LDLRAD4: variants seen among roughly 807,000 people sequenced by gnomAD.
LDLRAD4 encodes the protein low-density lipoprotein receptor class A domain-containing protein 4.
Under a neutral mutation model 17.0 loss-of-function variants are expected in LDLRAD4, and 5 were observed. That is an observed-to-expected ratio of 0.29 (90% CI 0.15 to 0.62). The LOEUF (loss-of-function observed/expected upper bound fraction) is 0.62, where lower values mean the gene tolerates loss of function less well. Ranked by LOEUF, LDLRAD4 falls within the 20% of genes least tolerant of loss-of-function variation. LDLRAD4 has a pLI of 0.84. For synonymous variants in LDLRAD4, 168 were observed against 171.8 expected (o/e 0.98, Z 0.17); for missense variants, 340 against 424.7 (o/e 0.80, Z 1.75).
At chr18:13,420,369 G>C (rs776333658) in intron 2 of LDLRAD4, 1 of 152,174 alleles carries the variant, frequency 6.6e-6, no homozygotes, top group Non-Finnish European at 1.5e-5. Context: ...AAGCAACAAG[G>C]GTGAGATTAT....
At chr18:13,492,284 T>A (rs2147122693) in intron 3 of LDLRAD4, among the ~76,000 whole-genome samples, 1 of 152,344 alleles carries the variant, frequency 6.6e-6, no homozygotes, top group Non-Finnish European at 1.5e-5. Flanking sequence ...CCTGGATTTC[T>A]CCCCTATTCC....
intron 1 of LDLRAD4, among the ~76,000 whole-genome samples, chr18:13,258,503 G>A (rs2043627673): frequency 6.6e-6 from 1 of 151,670 alleles, no homozygotes; most frequent in South Asian, 2.1e-4. Context: ...TTTTATTTTT[G>A]CTTTTATGAT....
At chr18:13,352,878 T>C (rs2083127395) in intron 1 of LDLRAD4, among the ~76,000 whole-genome samples, 1 of 152,212 alleles carries the variant, frequency 6.6e-6, no homozygotes, top group South Asian at 2.1e-4. Context: ...GCTCCTGTAA[T>C]ATATTTTTGA....
chr18:13,456,031 C>G (rs1000791579), intron 3 of LDLRAD4, among the ~76,000 whole-genome samples: 3 of 152,130 alleles, frequency 2.0e-5, no homozygotes, highest in Admixed American at 6.5e-5. Context: ...GAAACGTGTC[C>G]TTGCTTGGCT....
At chr18:13,501,160 C>G (rs1399280033) in intron 3 of LDLRAD4, 1 of 152,168 alleles carries the variant, frequency 6.6e-6, no homozygotes, top group Non-Finnish European at 1.5e-5. Context: ...ACTTTCTTCC[C>G]CCTGCACCTG....
At chr18:13,265,542 C>T (rs1300996725) in intron 1 of LDLRAD4, among the ~76,000 whole-genome samples, 1 of 152,216 alleles carries the variant, frequency 6.6e-6, no homozygotes, top group Non-Finnish European at 1.5e-5. Flanking sequence ...GGATGAATAG[C>T]TCCATGCACC....
chr18:13,494,987 C>T (rs931101393), intron 3 of LDLRAD4, among the ~76,000 whole-genome samples: 12 of 151,916 alleles, frequency 7.9e-5, no homozygotes, highest in African/African-American at 2.9e-4. Flanking sequence ...CTGAGACCCG[C>T]CTCCCAGCTT....
rs537347077 is a variant in LDLRAD4, at chr18:13,550,254, A to T, written c.182-70863A>T. 3.3e-5 allele frequency among the ~76,000 whole-genome samples: 5 copies of T among 152,316 alleles called. No individual in the cohort carries two copies. The South Asian group carries it at 1.0e-3, about 32-fold the overall frequency. On this transcript the variant is annotated intron_variant, in intron 3 of 5. Transcript: ENST00000359446. ...AGGGGCAGCTTCATGAGGAATATAA[A>T]AACACAGAGCCCTGAGCTGACAGAC... is the stretch of plus-strand genomic sequence containing the variant.
intron 2 of LDLRAD4, among the ~76,000 whole-genome samples, chr18:13,388,127 G>A (rs1243541461): frequency 6.6e-6 from 1 of 152,182 alleles, no homozygotes; most frequent in Non-Finnish European, 1.5e-5. Flanking sequence ...AAGATTCTCC[G>A]AGGGAAAAGA....
At chr18:13,336,763 T>A (rs769742664) in intron 1 of LDLRAD4, among the ~76,000 whole-genome samples, 6 of 152,106 alleles carry the variant, frequency 3.9e-5, no homozygotes, top group African/African-American at 7.2e-5. Context: ...ATATTTGTGC[T>A]CTGTGGTGCA....
At chr18:13,460,880 A>G (rs2092392864) in intron 3 of LDLRAD4, 2 of 152,234 alleles carry the variant, frequency 1.3e-5, no homozygotes, top group African/African-American at 2.4e-5. Flanking sequence ...TTTTCTTCCA[A>G]CACCAAATGA....
At position 13,643,291 on chromosome 18, in the gene LDLRAD4, T is replaced by C. The variant is rs917406301; in HGVS notation, c.337-68T>C. The C allele has an allele frequency of 3.5e-5, 35 of 1,004,626 alleles. No individual in the cohort carries two copies. The South Asian group carries it at 5.1e-4, about 15-fold the overall frequency. The allele number at this position is 1,004,626 out of a possible 1,614,324, so 62.2% of individuals were successfully genotyped here. On this transcript the variant is annotated intron_variant, in intron 4 of 5. Coordinates refer to ENST00000359446, the Ensembl canonical transcript of LDLRAD4. ...AGAAGTTGTGCTTCATGTTTTTAGG[T>C]GCGGCGGGGCTAATGATTTTCCTCT...
At chr18:13,397,530 G>A (rs1382651388) in intron 2 of LDLRAD4, among the ~76,000 whole-genome samples, 2 of 152,198 alleles carry the variant, frequency 1.3e-5, no homozygotes, top group African/African-American at 4.8e-5. Context: ...GCCTCCCAAA[G>A]CACTGGGATT....
At chr18:13,583,950 C>T (rs1197947025) in intron 3 of LDLRAD4, among the ~76,000 whole-genome samples, 1 of 152,154 alleles carries the variant, frequency 6.6e-6, no homozygotes, top group Non-Finnish European at 1.5e-5. Context: ...GCCTACAGGC[C>T]TGCCGTGCCC....
rs2090975657 is a variant in LDLRAD4, at chr18:13,440,811, A to G, written c.181+2427A>G. Among the ~76,000 whole-genome samples, 1 of 152,084 alleles carries G rather than the reference A, an allele frequency of 6.6e-6. No individual in the cohort carries two copies. Among genetic ancestry groups the G allele is most frequent in the South Asian group, 2.1e-4 (1 of 4,828 alleles). On this transcript the variant is annotated intron_variant, in intron 3 of 5. Transcript: ENST00000359446. This position sits in a 1 kb window ranked among gnomAD's most constrained non-coding sequence, Gnocchi z 4.4. ...GGGGAGTGCACTGCTGTGACTTTGT[A>G]TGGTTTATCTGTAATGTCAGAGCCA... is the stretch of plus-strand genomic sequence containing the variant.
chr18:13,530,995 A>G (rs2147813384), intron 3 of LDLRAD4, among the ~76,000 whole-genome samples: 1 of 152,268 alleles, frequency 6.6e-6, no homozygotes, highest in South Asian at 2.1e-4. Context: ...CTGCCTCTTA[A>G]CACAGTGGTT....
At chr18:13,218,425 G>C, upstream of LDLRAD4, among the ~76,000 whole-genome samples, 1 of 152,216 alleles carries the variant, frequency 6.6e-6, no homozygotes, top group South Asian at 2.1e-4. Flanking sequence ...TCCCGCGGTT[G>C]CAAGACTGAA....
intron 3 of LDLRAD4, among the ~76,000 whole-genome samples, chr18:13,606,073 G>A (rs2095221087): frequency 6.6e-6 from 1 of 152,194 alleles, no homozygotes; most frequent in Non-Finnish European, 1.5e-5. Context: ...TGACCACCCT[G>A]TGAAGTAAGT....
At chr18:13,517,827 C>A (rs1460986195) in intron 3 of LDLRAD4, among the ~76,000 whole-genome samples, 6 of 152,166 alleles carry the variant, frequency 3.9e-5, no homozygotes, top group Non-Finnish European at 8.8e-5. Context: ...CAAGCTCTGC[C>A]TCCCGGGCTC....
Sources: allele counts gnomAD v4.1 joint callset (sites outside exome capture counted in the v4.1 genomes callset), GRCh38; gene constraint gnomAD v4.1.1; non-coding constraint Gnocchi (gnomAD v3.1); transcripts MANE v1.5; gene names NCBI Gene and HGNC (gene_info 2026-07-23, HGNC 2026-07-21).